The following LRRIQ1 variants were observed in gnomAD, a reference collection of about 807,000 sequenced individuals.
LRRIQ1 encodes leucine-rich repeat- and IQ domain-containing protein 1.
Under a neutral mutation model 211.9 loss-of-function variants are expected in LRRIQ1, and 210 were observed. That is an observed-to-expected ratio of 0.99 (90% CI 0.89 to 1.11). The LOEUF (loss-of-function observed/expected upper bound fraction) is 1.11. Ranked by LOEUF, LRRIQ1 falls within the 50% of genes most tolerant of loss-of-function variation. LRRIQ1 has a pLI of 0.00. For missense variants in LRRIQ1, 2,136 were observed against 1,939.5 expected, an observed-to-expected ratio of 1.10 and a Z score of -1.90; for synonymous variants, 699 against 650.1, an observed-to-expected ratio of 1.08 and a Z score of -1.14.
chr12:85,118,940 C>T (rs1358235624), intron 15 of LRRIQ1, among the ~76,000 whole-genome samples: 1 of 152,196 alleles, frequency 6.6e-6, no homozygotes, highest in African/African-American at 2.4e-5. Flanking sequence ...CAACCCCATA[C>T]ATGCACAACA....
rs1436551172 is a variant in LRRIQ1, at chr12:85,054,537, A to G, written c.754-1010A>G. Among the ~76,000 whole-genome samples, 5 of 152,086 alleles carry G rather than the reference A, an allele frequency of 3.3e-5. No individual in the cohort carries two copies. In the East Asian group the frequency reaches 7.7e-4, roughly 23 times the overall value. ...TCCCTTCAGTTTTTCTCAGTTCTTT[A>G]TTCAGGAACTCCTACTAGTCATATG... On this transcript the variant is annotated intron_variant, in intron 7 of 26. Coordinates refer to ENST00000393217, the MANE Select transcript of LRRIQ1 (RefSeq NM_001079910.2).
chr12:85,110,975 G>A lies in LRRIQ1; in HGVS notation c.3377+4360G>A, dbSNP rs942867227. ...TAATTGTCATTCTCATTTTAGAGAG[G>A]TATTTACAAAAGCCTAGAAACCTTA... is the stretch of plus-strand genomic sequence containing the variant. On this transcript the variant is annotated intron_variant, in intron 15 of 26. Coordinates refer to ENST00000393217, the MANE Select transcript of LRRIQ1 (RefSeq NM_001079910.2). 2.6e-5 allele frequency among the ~76,000 whole-genome samples: 4 copies of A among 152,002 alleles called. No individual in the cohort carries two copies. In the South Asian group the frequency reaches 8.3e-4, roughly 31 times the overall value.
chr12:85,121,983 C>T, intron 16 of LRRIQ1, 107 bp downstream of exon 16: 2 of 961,502 alleles, frequency 2.1e-6, no homozygotes, highest in Non-Finnish European at 2.8e-6. Flanking sequence ...TGGATTAGAA[C>T]AGTGTGTTTT....
intron 11 of LRRIQ1, among the ~76,000 whole-genome samples, chr12:85,097,694 T>A (rs1218679658): frequency 6.6e-6 from 1 of 152,188 alleles, no homozygotes; most frequent in Non-Finnish European, 1.5e-5. Context: ...ATTTTTAATA[T>A]CTTCCATGAA....
chr12:85,260,562 A>G (rs1042565369), intron 1 of LRRIQ1, among the ~76,000 whole-genome samples: 3 of 152,266 alleles, frequency 2.0e-5, no homozygotes, highest in Middle Eastern at 3.4e-3. Flanking sequence ...TTAAATAAAT[A>G]TATCAAAATT....
At chr12:85,079,667 C>G (rs965497824) in intron 11 of LRRIQ1, among the ~76,000 whole-genome samples, 59 of 152,134 alleles carry the variant, frequency 3.9e-4, no homozygotes, top group African/African-American at 1.4e-3. Context: ...GCCATTAGTC[C>G]TTAGCAATTA....
chr12:85,131,501 ATAG>A (rs1888760445), intron 18 of LRRIQ1, among the ~76,000 whole-genome samples: 1 of 152,190 alleles, frequency 6.6e-6, no homozygotes, highest in African/African-American at 2.4e-5. Flanking sequence ...ACCTTAAGTA[ATAG>A]TAGGACTCAA....
At chr12:85,089,611 T>A (rs1186509503) in intron 11 of LRRIQ1, among the ~76,000 whole-genome samples, 2 of 152,218 alleles carry the variant, frequency 1.3e-5, no homozygotes, top group Non-Finnish European at 2.9e-5. Context: ...GTTGGGCATT[T>A]GGACTTGAAA....
At chr12:85,160,468 A>G (rs1890802830) in intron 23 of LRRIQ1, 145 bp from the exon 24 acceptor site, 1 of 472,260 alleles carries the variant, frequency 2.1e-6, no homozygotes, top group East Asian at 3.1e-5. Context: ...CATGTTATGA[A>G]GCTTAATATA....
chr12:85,190,048 AAC>A (rs1293493783), intron 24 of LRRIQ1, among the ~76,000 whole-genome samples: 3 of 142,204 alleles, frequency 2.1e-5, no homozygotes, highest in Admixed American at 1.5e-4. Context: ...TAACCTATAT[AAC>A]AGTTATATAA....
At chr12:85,135,653 C>T (rs1402800722) in intron 18 of LRRIQ1, among the ~76,000 whole-genome samples, 1 of 91,076 alleles carries the variant, frequency 1.1e-5, no homozygotes. Context: ...CAAAGGTCAC[C>T]AAAATGGGTA....
At chr12:85,224,101 T>C (rs558454334) in intron 24 of LRRIQ1, among the ~76,000 whole-genome samples, 3 of 151,966 alleles carry the variant, frequency 2.0e-5, no homozygotes, top group East Asian at 3.9e-4. Flanking sequence ...CTTAATTCCA[T>C]CTTTTAAAAT....
the LRRIQ1 span, among the ~76,000 whole-genome samples, chr12:85,271,527 ATAT>A: frequency 6.6e-6 from 1 of 152,230 alleles, no homozygotes; most frequent in East Asian, 1.9e-4. Context: ...AAATAGCTTC[ATAT>A]TATTATTCTT....
intron 25 of LRRIQ1, among the ~76,000 whole-genome samples, chr12:85,230,593 A>T (rs998448319): frequency 2.6e-5 from 4 of 152,186 alleles, no homozygotes; most frequent in Admixed American, 2.6e-4. Flanking sequence ...AGGGGACAGA[A>T]TCCAGCCCCT....
chr12:85,066,751 A>G lies in LRRIQ1; in HGVS notation c.2548A>G (p.Asn850Asp). The change falls in exon 10 of 27, where the codon AAC (asparagine) becomes GAC (aspartate). Residue 850 changes from asparagine (N) to aspartate (D), a missense_variant. Transcript: ENST00000393217. The stretch of plus-strand genomic sequence containing the variant: ...TTACATTTGTTCTTTGCTTCAGGAA[A>G]ACCATATTGAGGCTATTGAGTGTGA... ...KKLKYIDAQE[N>D]HIEAIECENL... The G allele has an allele frequency of 6.3e-7, 1 of 1,579,902 alleles. No homozygotes were observed. Among genetic ancestry groups the G allele is most frequent in the South Asian group, 1.2e-5 (1 of 84,556 alleles).
At chr12:85,046,441 T>G (rs1163442662) in intron 5 of LRRIQ1, among the ~76,000 whole-genome samples, 1 of 152,182 alleles carries the variant, frequency 6.6e-6, no homozygotes, top group African/African-American at 2.4e-5. Context: ...CACACACTTG[T>G]GGGTTTATTT....
At chr12:85,163,753 A>G (rs1229587178) in intron 24 of LRRIQ1, among the ~76,000 whole-genome samples, 2 of 152,162 alleles carry the variant, frequency 1.3e-5, no homozygotes, top group African/African-American at 2.4e-5. Flanking sequence ...GTTGATATTA[A>G]ATATCAAATT....
intron 3 of LRRIQ1, among the ~76,000 whole-genome samples, chr12:85,041,639 G>A (rs2135880609): frequency 1.3e-5 from 2 of 151,774 alleles, no homozygotes; most frequent in South Asian, 4.2e-4. Context: ...AGAAAACAAA[G>A]GATTAGATGA....
intron 1 of LRRIQ1, among the ~76,000 whole-genome samples, chr12:85,262,502 G>A (rs564789812): frequency 2.6e-5 from 4 of 151,382 alleles, no homozygotes; most frequent in Admixed American, 2.6e-4. Flanking sequence ...TCATTCAACC[G>A]GACTATTTAT....
Sources: allele counts gnomAD v4.1 joint callset (sites outside exome capture counted in the v4.1 genomes callset), GRCh38; gene constraint gnomAD v4.1.1; transcripts MANE v1.5; gene names NCBI Gene and HGNC (gene_info 2026-07-23, HGNC 2026-07-21).